The following GALNT17 variants were observed in gnomAD, a reference collection of about 807,000 sequenced individuals.
GALNT17 encodes the protein polypeptide N-acetylgalactosaminyltransferase 17, also known as UDP-GalNAc:polypeptide N-acetylgalactosaminyltransferase-like 3.
A neutral mutation model predicts 63.7 loss-of-function variants in GALNT17; 29 were observed. The observed-to-expected ratio is 0.46, with a 90% CI of 0.34 to 0.62. The LOEUF (loss-of-function observed/expected upper bound fraction) is 0.62. Ranked by LOEUF, GALNT17 falls within the 20% of genes least tolerant of loss-of-function variation. The pLI is 0.01. For missense variants in GALNT17, 603 were observed against 799.6 expected (o/e 0.75, Z 2.97); for synonymous variants, 305 against 318.3 (o/e 0.96, Z 0.45).
Position 71,172,124 on chromosome 7 carries a change from G to A in GALNT17, c.238+39084G>A, listed in dbSNP as rs140253071. Among the ~76,000 whole-genome samples, 1,466 of 152,208 alleles carry A rather than the reference G, an allele frequency of 9.6e-3. 15 individuals carry two copies. The highest frequency in any genetic ancestry group is 0.015 in the Non-Finnish European group (1,019 of 68,008). ...ACAGAATATATGAAGAATATGAGAG[G>A]AGGGCGAAGAAGTGAGAAGGAGAAG... On this transcript the variant is annotated intron_variant, in intron 1 of 10. Transcript: ENST00000333538.
chr7:71,147,865 T>G (rs1444247950), intron 1 of GALNT17, among the ~76,000 whole-genome samples: 1 of 152,130 alleles, frequency 6.6e-6, no homozygotes, highest in Non-Finnish European at 1.5e-5. Flanking sequence ...ACTCCTGACT[T>G]CATGATCCAC....
intron 5 of GALNT17, among the ~76,000 whole-genome samples, chr7:71,491,652 A>T (rs895441581): frequency 2.0e-5 from 3 of 152,148 alleles, no homozygotes; most frequent in African/African-American, 7.2e-5. Flanking sequence ...TTTGGATCTA[A>T]ACCAGCTGTT....
chr7:71,444,820 C>T (rs1055661270), intron 5 of GALNT17, among the ~76,000 whole-genome samples: 20 of 152,256 alleles, frequency 1.3e-4, no homozygotes, highest in African/African-American at 4.8e-4. Flanking sequence ...GAGACTCTGT[C>T]TCAAGGAAAA....
intron 5 of GALNT17, among the ~76,000 whole-genome samples, chr7:71,453,810 C>G (rs1793675788): frequency 2.0e-5 from 3 of 152,232 alleles, no homozygotes; most frequent in African/African-American, 7.2e-5. Context: ...GCACCACCTT[C>G]TCTCCTTCTC....
chr7:71,201,241 T>TATATATATATATATATATATATATATATA (rs1554338085), intron 1 of GALNT17, among the ~76,000 whole-genome samples: 1,978 of 137,332 alleles, frequency 0.014, 65 homozygotes, highest in Non-Finnish European at 0.02. Context: ...GTGTTTATTT[T>TATATATATATATATATATATATATATATA]TATATATATA....
intron 6 of GALNT17, among the ~76,000 whole-genome samples, chr7:71,655,613 A>G (rs1790817767): frequency 6.6e-6 from 1 of 152,216 alleles, no homozygotes; most frequent in African/African-American, 2.4e-5. Flanking sequence ...TTCCGGGGGA[A>G]GAATGCATGT....
intron 5 of GALNT17, among the ~76,000 whole-genome samples, chr7:71,477,526 G>A (rs977343812): frequency 3.3e-5 from 5 of 152,146 alleles, no homozygotes; most frequent in Non-Finnish European, 7.3e-5. Context: ...GGTTTTCAAT[G>A]AGCAAATATC....
At chr7:71,135,631 C>T (rs895992542) in intron 1 of GALNT17, among the ~76,000 whole-genome samples, 4 of 152,204 alleles carry the variant, frequency 2.6e-5, no homozygotes, top group African/African-American at 4.8e-5. Context: ...CTGGGCCTCC[C>T]GCCCAGGTCT....
At chr7:71,603,443 C>T (rs972427960) in intron 6 of GALNT17, among the ~76,000 whole-genome samples, 5 of 152,066 alleles carry the variant, frequency 3.3e-5, no homozygotes, top group East Asian at 3.9e-4. Flanking sequence ...AGATACTATG[C>T]GAAGTGCATA....
intron 2 of GALNT17, among the ~76,000 whole-genome samples, chr7:71,365,976 G>A (rs1231067363): frequency 6.6e-6 from 1 of 152,154 alleles, no homozygotes; most frequent in Non-Finnish European, 1.5e-5. Context: ...GGTCCCATCT[G>A]GGGGTGATGG....
At chr7:71,576,720 A>G (rs1345112450) in intron 6 of GALNT17, among the ~76,000 whole-genome samples, 1 of 152,006 alleles carries the variant, frequency 6.6e-6, no homozygotes, top group Non-Finnish European at 1.5e-5. Context: ...ACAGGCACAC[A>G]CCATACTTGG....
intron 5 of GALNT17, among the ~76,000 whole-genome samples, chr7:71,530,652 C>T (rs990652150): frequency 2.6e-5 from 4 of 152,036 alleles, no homozygotes; most frequent in Non-Finnish European, 5.9e-5. Context: ...TGGCTGCCTC[C>T]TGCCTCCTGG....
At chr7:71,300,250 G>A (rs980577334) in intron 1 of GALNT17, 5 of 295,358 alleles carry the variant, frequency 1.7e-5, no homozygotes, top group Middle Eastern at 2.6e-3. Context: ...AGTAATTTAG[G>A]TTGAAGGAAT....
At chr7:71,432,154 A>T (rs555096463) in intron 5 of GALNT17, among the ~76,000 whole-genome samples, 1 of 152,188 alleles carries the variant, frequency 6.6e-6, no homozygotes, top group South Asian at 2.1e-4. Flanking sequence ...CAGCCTGGGC[A>T]ACAGAGCAAG....
chr7:71,277,298 G>T (rs1329466049), intron 1 of GALNT17, among the ~76,000 whole-genome samples: 3 of 152,038 alleles, frequency 2.0e-5, no homozygotes, highest in Admixed American at 6.6e-5. Context: ...GGGTACACTC[G>T]CATAGACATA....
intron 6 of GALNT17, among the ~76,000 whole-genome samples, chr7:71,642,284 A>C (rs1790615634): frequency 6.6e-6 from 1 of 152,064 alleles, no homozygotes; most frequent in Admixed American, 6.6e-5. Flanking sequence ...CACTCAGCCC[A>C]TTGCAGGCTT....
intron 5 of GALNT17, among the ~76,000 whole-genome samples, chr7:71,484,921 C>T (rs868063700): frequency 6.7e-6 from 1 of 148,996 alleles, no homozygotes; most frequent in African/African-American, 2.5e-5. Context: ...ACCTCAACCT[C>T]CCAAGTAGCT....
chr7:71,169,889 A>G (rs1212653134), intron 1 of GALNT17, among the ~76,000 whole-genome samples: 1 of 151,686 alleles, frequency 6.6e-6, no homozygotes, highest in Non-Finnish European at 1.5e-5. Flanking sequence ...GTTGCCCTAC[A>G]CTTTTTGTAT....
rs189552319 is a variant in GALNT17, at chr7:71,562,124, T to G, written c.963-9161T>G. ...GTGCGCACCACCATGCCTGGTTATT[T>G]TTTTAAAAAATTATTTTTGGTAGAA... On this transcript the variant is annotated intron_variant, in intron 5 of 10. Coordinates refer to ENST00000333538, the MANE Select transcript of GALNT17 (RefSeq NM_022479.3). Among the ~76,000 whole-genome samples the G allele has an allele frequency of 3.3e-5, 5 of 152,174 alleles. No homozygotes were observed. The East Asian group carries it at 7.7e-4, about 24-fold the overall frequency.
Sources: allele counts gnomAD v4.1 joint callset (sites outside exome capture counted in the v4.1 genomes callset), GRCh38; gene constraint gnomAD v4.1.1; transcripts MANE v1.5; gene names NCBI Gene and HGNC (gene_info 2026-07-23, HGNC 2026-07-21).